MYOF: variants seen among roughly 807,000 people sequenced by gnomAD.
The protein encoded by MYOF is fer-1-like 3, myoferlin.
MYOF carries 244 observed loss-of-function variants against 284.2 expected under a neutral mutation model. The observed-to-expected ratio is 0.86, with a 90% confidence interval of 0.77 to 0.95. The LOEUF (loss-of-function observed/expected upper bound fraction) is 0.95. MYOF is among the 40% of genes least tolerant of loss of function. The probability of loss-of-function intolerance (pLI) is 0.00; values close to 1 mark genes in which losing one functional copy is unlikely to be tolerated. For synonymous variants in MYOF, 904 were observed against 919.7 expected (o/e 0.98, Z 0.31); for missense variants, 2,496 against 2,560.6 (o/e 0.97, Z 0.54).
In MYOF at chr10:93,337,842, A is replaced by T; in HGVS notation, c.4410T>A (p.Tyr1470Ter). 2 of 1,614,090 alleles carry T rather than the reference A, an allele frequency of 1.2e-6. No homozygotes were observed. Among genetic ancestry groups the T allele is most frequent in the Admixed American group, 1.7e-5 (1 of 60,016 alleles). Residue 1470 changes from tyrosine (Y) to a stop codon, truncating the protein, a stop_gained, in exon 40 of 54, where the codon TAT becomes TAA. Transcript: ENST00000359263. LOFTEE classifies it high-confidence loss of function. The part of the protein sequence containing the change: ...SSGEHEKCGQ[Y>*]IQKGYSKLKI... Reference sequence around the variant, plus strand: ...TGAGCTTGGAATAGCCTTTCTGAATATACTGTCCGCATTTTTCATGTTCCC... The same window carrying T: ...TGAGCTTGGAATAGCCTTTCTGAATTTACTGTCCGCATTTTTCATGTTCCC...
intron 13 of MYOF, among the ~76,000 whole-genome samples, chr10:93,398,413 G>C (rs1200098950): frequency 6.6e-6 from 1 of 152,074 alleles, no homozygotes; most frequent in Admixed American, 6.5e-5. Flanking sequence ...AAATTATTCA[G>C]TTTCTTGTTT....
Position 93,306,987 on chromosome 10 carries a change from C to T in MYOF, c.6162G>A (p.Met2054Ile). The T allele has an allele frequency of 6.2e-7, 1 of 1,612,910 alleles. No homozygotes were observed. The highest frequency in any genetic ancestry group is 1.1e-5 in the South Asian group (1 of 90,948). The change falls in exon 54 of 54, where the codon ATG (methionine) becomes ATA (isoleucine). Residue 2054 changes from methionine to isoleucine, a missense_variant. Coordinates refer to ENST00000359263, the MANE Select transcript of MYOF (RefSeq NM_013451.4). ...GTTACACATTTGGCTTTACAATCTT[C>T]ATTGACAAATAGTTCTGGAAAGGAA... is the stretch of plus-strand genomic sequence containing the variant. ...LLYSLPNYLS[M>I]KIVKPNV
intron 5 of MYOF, among the ~76,000 whole-genome samples, chr10:93,423,205 A>G (rs918575108): frequency 6.6e-6 from 1 of 152,086 alleles, no homozygotes; most frequent in African/African-American, 2.4e-5. Flanking sequence ...TCCAATGACC[A>G]GTGCCTTATA....
Position 93,351,834 on chromosome 10 carries a change from T to A in MYOF, c.3494A>T (p.His1165Leu), listed in dbSNP as rs967246818. The change falls in exon 33 of 54, where the codon CAT becomes CTT. Residue 1165 changes from histidine to leucine, a missense_variant. Around this residue, in one of 3 missense-constraint regions of MYOF, gnomAD observed 2,436 missense variants for 2,480.7 expected, o/e 0.98. Transcript: ENST00000359263. ...TTTGCTCCGATGGAGGAAACAGATA[T>A]GAGCATATGGATCTAAAACAGAAAA... is the stretch of plus-strand genomic sequence containing the variant. ...DKDSFSDPYA[H>L]ICFLHRSKTT... 1.3e-6 allele frequency: 2 copies of A among 1,585,404 alleles called. No individual in the cohort carries two copies. Among genetic ancestry groups the A allele is most frequent in the African/African-American group, 2.7e-5 (2 of 72,740 alleles).
At chr10:93,315,847 G>T (rs118037480) in intron 50 of MYOF, among the ~76,000 whole-genome samples, 1,776 of 152,110 alleles carry the variant, frequency 0.012, 22 homozygotes, top group Middle Eastern at 0.027. Context: ...GAGGCTGGGC[G>T]CTGTGGCTTA....
Position 93,319,884 on chromosome 10 carries a change from G to C in MYOF, c.5586C>G (p.Ile1862Met). 1.2e-6 allele frequency: 2 copies of C among 1,613,970 alleles called. No individual in the cohort carries two copies. Among genetic ancestry groups the C allele is most frequent in the Non-Finnish European group, 1.7e-6 (2 of 1,180,002 alleles). ...TTTCAGAGCTCACTTTTTTCGCAAC[G>C]ATACAGAGTTGTTCGGCTGGAAGGT... ...FDYLPAEQLC[I>M]VAKKEHFWSI... Residue 1862 changes from isoleucine to methionine, a missense_variant, in exon 49 of 54, where the codon ATC (isoleucine) becomes ATG (methionine). Physicochemically the swap from Ile to Met is conservative, Grantham distance 10 (BLOSUM62 1). Coordinates refer to ENST00000359263, the MANE Select transcript of MYOF (RefSeq NM_013451.4).
At chr10:93,450,335 T>C (rs2056555572) in intron 3 of MYOF, among the ~76,000 whole-genome samples, 2 of 152,188 alleles carry the variant, frequency 1.3e-5, no homozygotes, top group Admixed American at 6.5e-5. Flanking sequence ...GAGGTTGCAG[T>C]GAGCTGAGAT....
At chr10:93,316,434 T>C (rs1842615651) in intron 50 of MYOF, among the ~76,000 whole-genome samples, 1 of 151,876 alleles carries the variant, frequency 6.6e-6, no homozygotes, top group South Asian at 2.1e-4. Context: ...AAAGTGGATG[T>C]AGGAGTGTGG....
At chr10:93,472,124 T>C (rs1444708150) in intron 1 of MYOF, among the ~76,000 whole-genome samples, 1 of 152,170 alleles carries the variant, frequency 6.6e-6, no homozygotes, top group East Asian at 1.9e-4. Context: ...TGCTGATCAC[T>C]GAGGACGAGG....
At chr10:93,380,056 T>C in intron 20 of MYOF, 69 bp from the exon 21 acceptor site, 4 of 1,556,206 alleles carry the variant, frequency 2.6e-6, no homozygotes, top group Non-Finnish European at 3.5e-6. Context: ...ATTAAAGAGA[T>C]GTGCAGACTG....
At chr10:93,468,090 A>C (rs1589614871) in intron 1 of MYOF, among the ~76,000 whole-genome samples, 2 of 152,200 alleles carry the variant, frequency 1.3e-5, no homozygotes, top group East Asian at 3.8e-4. Context: ...TATTATTATT[A>C]TGATCCTTAT....
At position 93,369,656 on chromosome 10, in the gene MYOF, A is replaced by G. The variant is rs370253135; in HGVS notation, c.2578T>C (p.Phe860Leu). The change falls in exon 25 of 54, where the codon TTT becomes CTT. Residue 860 changes from phenylalanine (F) to leucine (L), a missense_variant. Phe to Leu is a conservative substitution (Grantham distance 22). Transcript: ENST00000359263. ...ATCATTAAAGGTACCATTTCAGCAA[A>G]GACGGTGAAAGTTCCTTCTGCGAAG... The part of the protein sequence containing the change: ...NSFAEGTFTV[F>L]AEMYENQALM... The G allele has an allele frequency of 4.3e-5, 69 of 1,614,090 alleles. No individual in the cohort carries two copies. The highest frequency in any genetic ancestry group is 2.3e-5 in the Non-Finnish European group (27 of 1,180,030).
chr10:93,433,216 G>A (rs116578947), intron 3 of MYOF, among the ~76,000 whole-genome samples: 20,068 of 152,038 alleles, frequency 0.13, 1,377 homozygotes, highest in Middle Eastern at 0.2. Flanking sequence ...GGAGTGCAAC[G>A]GCGTGATCTC....
chr10:93,320,357 C>A (rs1293556989), intron 48 of MYOF, among the ~76,000 whole-genome samples: 1 of 140,234 alleles, frequency 7.1e-6, no homozygotes, highest in Non-Finnish European at 1.5e-5. Flanking sequence ...GTCCTCACAA[C>A]TATAACTCAT....
In MYOF at chr10:93,431,024, CTTTTTT is replaced by C. The variant is rs113713765; in HGVS notation, c.345+378_345+383del. 3.1e-4 allele frequency among the ~76,000 whole-genome samples: 36 copies of C among 117,858 alleles called. No homozygotes were observed. In the East Asian group the frequency reaches 3.3e-3, roughly 11 times the overall value. 77.3% of individuals were successfully genotyped at this position (117,858 alleles called of 152,430 possible). ...CTGACAATTTAGACATTTTTCTTTT[CTTTTTT>C]TTTTTTTTTTTGTTTGAGATGGAGT... On this transcript the variant is annotated intron_variant, in intron 4 of 53. Transcript: ENST00000359263.
intron 29 of MYOF, among the ~76,000 whole-genome samples, chr10:93,359,623 A>C (rs1844974687): frequency 6.6e-6 from 1 of 152,190 alleles, no homozygotes. Context: ...CAGGATTTCT[A>C]AATCAGGAGG....
chr10:93,458,014 G>A (rs765839834), intron 1 of MYOF, among the ~76,000 whole-genome samples: 14 of 151,774 alleles, frequency 9.2e-5, no homozygotes, highest in Non-Finnish European at 1.8e-4. Context: ...AAAGTGCTGG[G>A]ATTACAGGTA....
At chr10:93,377,017 G>A (rs1167656306) in intron 22 of MYOF, among the ~76,000 whole-genome samples, 1 of 152,162 alleles carries the variant, frequency 6.6e-6, no homozygotes, top group East Asian at 1.9e-4. Context: ...TTGATGAGAA[G>A]CAGAGGCTCA....
intron 21 of MYOF, among the ~76,000 whole-genome samples, 184 bp downstream of exon 21, chr10:93,379,679 T>C (rs10882228): frequency 0.48 from 73,197 of 151,834 alleles, 19,111 homozygotes; most frequent in East Asian, 0.86. Flanking sequence ...AGCCTGGGTC[T>C]CCAATACCAC....
Sources: gnomAD v4.1 joint callset for allele counts (sites outside exome capture counted in the v4.1 genomes callset) on GRCh38, gnomAD v4.1.1 for gene constraint, gnomAD v4.1.1 regional missense constraint, MANE v1.5 for transcripts, NCBI Gene and HGNC (gene_info 2026-07-23, HGNC 2026-07-21) for gene names.